THBS3: variants seen among roughly 807,000 people sequenced by gnomAD.
The protein encoded by THBS3 is thrombospondin-3.
In THBS3, 78 loss-of-function variants were observed where a neutral mutation model predicts 118.3. That is an observed-to-expected ratio of 0.66 (90% CI 0.55 to 0.80). THBS3 has a LOEUF of 0.80. THBS3 is among the 30% of genes least tolerant of loss of function. The pLI, the probability that THBS3 is intolerant of heterozygous loss-of-function variation, is 0.00. For missense variants in THBS3, 1,057 were observed against 1,247.4 expected, an observed-to-expected ratio of 0.85 and a Z score of 2.30; for synonymous variants, 427 against 475.3, an observed-to-expected ratio of 0.90 and a Z score of 1.32.
At chr1:155,203,013 G>A (rs1413530558) in intron 7 of THBS3, 53 bp from the exon 8 acceptor site, 23 of 1,613,852 alleles carry the variant, frequency 1.4e-5, no homozygotes, top group Non-Finnish European at 1.9e-5. Flanking sequence ...TAAGCCACCA[G>A]AAGGGAAAGC....
At chr1:155,203,448 G>A (rs1670092746) in intron 5 of THBS3, 65 bp downstream of exon 5, 2 of 1,604,924 alleles carry the variant, frequency 1.2e-6, no homozygotes, top group Non-Finnish European at 1.7e-6. Flanking sequence ...CTTAGTTTCA[G>A]GCAGCTGCCA....
chr1:155,200,696 T>A, intron 13 of THBS3, 86 bp from the exon 14 acceptor site: 1 of 1,574,172 alleles, frequency 6.4e-7, no homozygotes, highest in South Asian at 1.2e-5. Flanking sequence ...TATCCTTTTC[T>A]AAGATCACAC....
Position 155,202,096 on chromosome 1 carries a change from G to T in THBS3, c.1099-62C>A. The T allele has an allele frequency of 6.2e-7, 1 of 1,613,628 alleles. No homozygotes were observed. Among genetic ancestry groups the T allele is most frequent in the Middle Eastern group, 1.7e-4 (1 of 6,060 alleles). On this transcript the variant is annotated intron_variant, in intron 9 of 22. Coordinates refer to ENST00000368378, the MANE Select transcript of THBS3 (RefSeq NM_007112.5). This position sits in a 1 kb window ranked among gnomAD's most constrained non-coding sequence, Gnocchi z 5.5. ...GTGGGTCTCCTCAGATACAGCAGAGGACACTGGTATGGCCTTATCTGTGAA... is the reference window on the plus strand; with the variant it reads ...GTGGGTCTCCTCAGATACAGCAGAGTACACTGGTATGGCCTTATCTGTGAA...
At position 155,200,596 on chromosome 1, in the gene THBS3, C is replaced by T. The variant is rs369337037; in HGVS notation, c.1563G>A (p.Leu521=). The T allele has an allele frequency of 3.7e-6, 6 of 1,614,120 alleles. No individual in the cohort carries two copies. The part of the protein sequence containing the change: ...GIKNVEDNCR[L]FPNKDQQNSD... ...AGTTCTGCTGGTCTTTGTTGGGGAA[C>T]AGCCGGCAGTTGTCCTGGGCAGAGG... The change falls in exon 14 of 23, where the codon CTG becomes CTA. Residue 521 remains leucine (L), a synonymous_variant. Transcript: ENST00000368378.
In THBS3 at chr1:155,202,752, G is replaced by A. The variant is rs1669969973; in HGVS notation, c.957+60C>T. 1.3e-6 allele frequency: 2 copies of A among 1,556,370 alleles called. No individual in the cohort carries two copies. Among genetic ancestry groups the A allele is most frequent in the Non-Finnish European group, 1.7e-6 (2 of 1,150,176 alleles). On this transcript the variant is annotated intron_variant, in intron 8 of 22. Transcript: ENST00000368378. The surrounding 1 kb of genome is among the most constrained non-coding windows in gnomAD (Gnocchi z 5.5). Reference sequence around the variant, plus strand: ...ACCAGCATTTATCCCACCCTCTTGGGTGCCTCCTGACATCCTCACCCCAGT... The same window carrying A: ...ACCAGCATTTATCCCACCCTCTTGGATGCCTCCTGACATCCTCACCCCAGT...
chr1:155,206,154 G>A lies in THBS3; in HGVS notation c.286+46C>T, dbSNP rs1213372055. On this transcript the variant is annotated intron_variant, in intron 2 of 22. Coordinates refer to ENST00000368378, the MANE Select transcript of THBS3 (RefSeq NM_007112.5). This position sits in a 1 kb window ranked among gnomAD's most constrained non-coding sequence, Gnocchi z 4.2. ...TTGGGAAGTAGGGATGAGGGAGAGTGCTTAAGGAGGTCACCATTGCAAGAA... is the reference window on the plus strand; with the variant it reads ...TTGGGAAGTAGGGATGAGGGAGAGTACTTAAGGAGGTCACCATTGCAAGAA... The A allele has an allele frequency of 4.4e-6, 7 of 1,601,946 alleles. No homozygotes were observed. The East Asian group carries it at 1.3e-4, about 31-fold the overall frequency.
rs1268646176 is a variant in THBS3, at chr1:155,197,686, G to A, written c.2303-27C>T. On this transcript the variant is annotated intron_variant, in intron 19 of 22. Coordinates refer to ENST00000368378, the MANE Select transcript of THBS3 (RefSeq NM_007112.5). The surrounding 1 kb of genome is among the most constrained non-coding windows in gnomAD (Gnocchi z 5.0). ...TGGGGTGGGGGTGGGATAAAGGTCA[G>A]GGGCAGCAAAGCTACTGGCGGCCCA... 2 of 1,608,626 alleles carry A rather than the reference G, an allele frequency of 1.2e-6. No homozygotes were observed. The highest frequency in any genetic ancestry group is 1.7e-6 in the Non-Finnish European group (2 of 1,175,682).
In THBS3 at chr1:155,202,507, T is replaced by G; in HGVS notation, c.958-106A>C. 20 of 1,477,108 alleles carry G rather than the reference T, an allele frequency of 1.4e-5. No homozygotes were observed. Among genetic ancestry groups the G allele is most frequent in the Non-Finnish European group, 1.6e-5 (18 of 1,098,246 alleles). The allele number at this position is 1,477,108 out of a possible 1,614,324, so 91.5% of individuals were successfully genotyped here. On this transcript the variant is annotated intron_variant, in intron 8 of 22. Transcript: ENST00000368378. This position sits in a 1 kb window ranked among gnomAD's most constrained non-coding sequence, Gnocchi z 5.5. Reference sequence around the variant, plus strand: ...TCCAGGTCTCCCCTTTGTGCAGCTCTCCCCACACAACTGCCTTGTGCTCCT... The same window carrying G: ...TCCAGGTCTCCCCTTTGTGCAGCTCGCCCCACACAACTGCCTTGTGCTCCT...
Position 155,207,857 on chromosome 1 carries a change from C to CCCG in THBS3, c.19_20insCGG (p.Arg7delinsProGly), listed in dbSNP as rs754885711. The CCCG allele has an allele frequency of 1.9e-6, 3 of 1,613,980 alleles. 1 individual carries two copies. The highest frequency in any genetic ancestry group is 2.5e-6 in the Non-Finnish European group (3 of 1,180,000). On this transcript the variant is annotated protein_altering_variant, in exon 1 of 23. Transcript: ENST00000368378. ...AAGGAGGAGAAGAGCCAGGGCCCCC[C>CCCG]GAAGTTCCTGCGTCTCCATGCCTCT...
Position 155,203,252 on chromosome 1 carries a change from C to T in THBS3, c.727G>A (p.Val243Met). 1.9e-6 allele frequency: 3 copies of T among 1,614,208 alleles called. No individual in the cohort carries two copies. Among genetic ancestry groups the T allele is most frequent in the South Asian group, 2.2e-5 (2 of 91,090 alleles). Residue 243 changes from valine to methionine, a missense_variant, in exon 6 of 23, where the codon GTG (valine) becomes ATG (methionine). Transcript: ENST00000368378. ...TQLTLFNQIL[V>M]ELRDDIRDQV... Reference sequence around the variant, plus strand: ...TCTCGTATATCATCCCGCAGCTCCACCAGGATCTGGTTGAAGAGGGTGAGT... The same window carrying T: ...TCTCGTATATCATCCCGCAGCTCCATCAGGATCTGGTTGAAGAGGGTGAGT...
chr1:155,209,030 G>T (rs1426381878), upstream of THBS3: 33 of 1,568,072 alleles, frequency 2.1e-5, no homozygotes, highest in Admixed American at 9.4e-5. Flanking sequence ...GTCCCGCTAC[G>T]TGGGCCACCT....
At chr1:155,208,603 CT>C (rs1670875007), upstream of THBS3, 2 of 582,690 alleles carry the variant, frequency 3.4e-6, no homozygotes, top group Non-Finnish European at 5.9e-6. Flanking sequence ...ACTGTGGGTA[CT>C]AGCGGACGGG....
Position 155,202,329 on chromosome 1 carries a change from A to G in THBS3, c.1030T>C (p.Cys344Arg), listed in dbSNP as rs1669885204. 1 of 1,613,980 alleles carries G rather than the reference A, an allele frequency of 6.2e-7. No individual in the cohort carries two copies. Among genetic ancestry groups the G allele is most frequent in the Non-Finnish European group, 8.5e-7 (1 of 1,180,036 alleles). ...TGTGTGCCCTTGTACCCTCGAGGAC[A>G]GGCCTCACAGTGGAAGCCGGGCATG... ...NTMPGFHCEACPRGYKGTQVS... is the reference protein window; with the variant it reads ...NTMPGFHCEARPRGYKGTQVS... The change falls in exon 9 of 23, where the codon TGT (cysteine) becomes CGT (arginine). Residue 344 changes from cysteine to arginine, a missense_variant. Physicochemically the swap from Cys to Arg is radical, Grantham distance 180. Around this residue, in one of 3 missense-constraint regions of THBS3, gnomAD observed 544 missense variants for 715.6 expected, o/e 0.76. Coordinates refer to ENST00000368378, the MANE Select transcript of THBS3 (RefSeq NM_007112.5). This position sits in a 1 kb window ranked among gnomAD's most constrained non-coding sequence, Gnocchi z 5.5.
intron 21 of THBS3, 44 bp downstream of exon 21, chr1:155,196,997 G>A (rs929398365): frequency 6.3e-7 from 1 of 1,591,524 alleles, no homozygotes. Context: ...AGGAAGGACA[G>A]GCCCGGCCTG....
intron 21 of THBS3, 133 bp from the exon 22 acceptor site, chr1:155,196,259 G>GA: frequency 8.8e-7 from 1 of 1,135,452 alleles, no homozygotes; most frequent in South Asian, 1.5e-5. Context: ...GGGAGGGAGG[G>GA]AAAGGGAGGC....
At position 155,205,638 on chromosome 1, in the gene THBS3, C is replaced by T. The variant is rs145142412; in HGVS notation, c.287-322G>A. The T allele has an allele frequency of 5.7e-3, 1,832 of 319,646 alleles. 38 individuals are homozygous for T. Among genetic ancestry groups the T allele is most frequent in the African/African-American group, 0.036 (1,707 of 47,142 alleles). The allele number at this position is 319,646 out of a possible 1,614,324, so 19.8% of individuals were successfully genotyped here. ...ACTAAAAATACAAAAGTTAGCCAGGCATGGTGGTGGGCACCTGTAGTCCCA... is the reference window on the plus strand; with the variant it reads ...ACTAAAAATACAAAAGTTAGCCAGGTATGGTGGTGGGCACCTGTAGTCCCA... On this transcript the variant is annotated intron_variant, in intron 2 of 22. Transcript: ENST00000368378.
At chr1:155,196,929 G>C (rs1668767774) in intron 21 of THBS3, 112 bp downstream of exon 21, 1 of 1,013,694 alleles carries the variant, frequency 9.9e-7, no homozygotes, top group African/African-American at 1.6e-5. Flanking sequence ...AAGGGTGATG[G>C]AGAGAAGTGG....
At chr1:155,205,941 T>A (rs1330075017) in intron 2 of THBS3, among the ~76,000 whole-genome samples, 1 of 152,126 alleles carries the variant, frequency 6.6e-6, no homozygotes. Flanking sequence ...TGCCTCACCC[T>A]CCTTCCAGGC....
At chr1:155,204,381 G>A (rs1670242359) in intron 4 of THBS3, among the ~76,000 whole-genome samples, 1 of 151,956 alleles carries the variant, frequency 6.6e-6, no homozygotes, top group Admixed American at 6.5e-5. Flanking sequence ...CTTGAGATTA[G>A]GTGTTTGAGA....
Sources: allele counts gnomAD v4.1 joint callset (sites outside exome capture counted in the v4.1 genomes callset), GRCh38; gene constraint gnomAD v4.1.1; regional missense constraint gnomAD v4.1.1; non-coding constraint Gnocchi (gnomAD v3.1); transcripts MANE v1.5; gene names NCBI Gene and HGNC (gene_info 2026-07-23, HGNC 2026-07-21).